The following ADARB2 variants were observed in gnomAD, a reference collection of about 807,000 sequenced individuals.
ADARB2 encodes adenosine deaminase RNA specific B2 (inactive), also known as inactive double-stranded RNA-specific editase B2.
Under a neutral mutation model 62.2 loss-of-function variants are expected in ADARB2, and 25 were observed. That is an observed-to-expected ratio of 0.40 (90% CI 0.29 to 0.56). ADARB2 has a LOEUF of 0.56. Among genes scored for constraint, ADARB2 ranks in the 20% least tolerant of loss-of-function variants. The probability of loss-of-function intolerance (pLI) is 0.43; values close to 1 mark genes in which losing one functional copy is unlikely to be tolerated. For missense variants in ADARB2, 1,071 were observed against 1,077.4 expected, an observed-to-expected ratio of 0.99 and a Z score of 0.08; for synonymous variants, 572 against 500.8, an observed-to-expected ratio of 1.14 and a Z score of -1.90.
chr10:1,293,972 G>C (rs143983248), intron 3 of ADARB2, among the ~76,000 whole-genome samples: 1 of 152,064 alleles, frequency 6.6e-6, no homozygotes, highest in Non-Finnish European at 1.5e-5. Flanking sequence ...TGGCTTGCAG[G>C]GGGGCGGGGG....
At chr10:1,504,032 A>G (rs1400914589) in intron 1 of ADARB2, among the ~76,000 whole-genome samples, 1 of 152,122 alleles carries the variant, frequency 6.6e-6, no homozygotes, top group Non-Finnish European at 1.5e-5. Flanking sequence ...AGAGAGTAGG[A>G]GTTTTTGATC....
At chr10:1,225,550 C>T (rs373226424) in intron 6 of ADARB2, among the ~76,000 whole-genome samples, 53 of 152,220 alleles carry the variant, frequency 3.5e-4, no homozygotes, top group South Asian at 1.5e-3. Context: ...TGGCTGGTAC[C>T]GGTTGTTCCT....
rs550908600 is a variant in ADARB2, at chr10:1,704,393, G to T, written c.100+32658C>A. ...GATGGGAGACAGTGACAGATCATCAGGCATTAGATTTTCATAAGGAGTCTG... is the reference window on the plus strand; with the variant it reads ...GATGGGAGACAGTGACAGATCATCATGCATTAGATTTTCATAAGGAGTCTG... On this transcript the variant is annotated intron_variant, in intron 1 of 9. Transcript: ENST00000381312. This position sits in a 1 kb window ranked among gnomAD's most constrained non-coding sequence, Gnocchi z 5.6. 1.3e-5 allele frequency among the ~76,000 whole-genome samples: 2 copies of T among 152,324 alleles called. No homozygotes were observed. The highest frequency in any genetic ancestry group is 3.9e-4 in the East Asian group (2 of 5,184).
chr10:1,419,413 G>A (rs926425700), intron 1 of ADARB2, among the ~76,000 whole-genome samples: 1 of 152,080 alleles, frequency 6.6e-6, no homozygotes, highest in Non-Finnish European at 1.5e-5. Context: ...TTTAATGTAT[G>A]GACAGTGGAA....
intron 1 of ADARB2, among the ~76,000 whole-genome samples, chr10:1,387,071 TAATG>T (rs1832531452): frequency 1.3e-5 from 2 of 151,946 alleles, no homozygotes; most frequent in Non-Finnish European, 2.9e-5. Flanking sequence ...TTCTCAGTGA[TAATG>T]AAAGTATAAC....
At chr10:1,331,268 TA>T (rs1312677948) in intron 3 of ADARB2, among the ~76,000 whole-genome samples, 2 of 152,126 alleles carry the variant, frequency 1.3e-5, no homozygotes, top group Non-Finnish European at 2.9e-5. Context: ...CCAAGAGAAA[TA>T]AAAACATATA....
At chr10:1,378,832 G>A (rs1450886105) in intron 2 of ADARB2, among the ~76,000 whole-genome samples, 3 of 152,162 alleles carry the variant, frequency 2.0e-5, no homozygotes, top group Non-Finnish European at 4.4e-5. Context: ...TAGGATTCTG[G>A]GTGAGGACAG....
chr10:1,221,877 A>ATG (rs1491187352), intron 6 of ADARB2, among the ~76,000 whole-genome samples: 1 of 152,140 alleles, frequency 6.6e-6, no homozygotes, highest in East Asian at 1.9e-4. Flanking sequence ...CACAATAAAC[A>ATG]TGTGTGCATA....
At chr10:1,411,361 CACCAGCCCAGGGCGGG>C (rs1349216207) in intron 1 of ADARB2, among the ~76,000 whole-genome samples, 1 of 152,238 alleles carries the variant, frequency 6.6e-6, no homozygotes, top group African/African-American at 2.4e-5. Flanking sequence ...CACCCGTCCC[CACCAGCCCAGGGCGGG>C]ACCAGCCCAC....
At chr10:1,405,507 G>C (rs1052138079) in intron 1 of ADARB2, among the ~76,000 whole-genome samples, 1 of 151,818 alleles carries the variant, frequency 6.6e-6, no homozygotes, top group African/African-American at 2.4e-5. Context: ...GTAGGGGCCT[G>C]TAATCCCAGC....
chr10:1,288,562 G>C (rs899524801), intron 3 of ADARB2, among the ~76,000 whole-genome samples: 1 of 152,232 alleles, frequency 6.6e-6, no homozygotes, highest in Non-Finnish European at 1.5e-5. Flanking sequence ...AGTTCCATGA[G>C]GCCCCACAAT....
At chr10:1,226,313 AT>A (rs1056320057) in intron 6 of ADARB2, among the ~76,000 whole-genome samples, 1 of 151,604 alleles carries the variant, frequency 6.6e-6, no homozygotes, top group Admixed American at 6.6e-5. Context: ...CATTCATCTA[AT>A]TTTTTTTCAA....
At position 1,737,045 on chromosome 10, in the gene ADARB2, C is replaced by T. The variant is rs202216464; in HGVS notation, c.100+6G>A. On this transcript the variant is annotated splice_donor_region_variant and intron_variant, in intron 1 of 9. Coordinates refer to ENST00000381312, the MANE Select transcript of ADARB2 (RefSeq NM_018702.4). ...GGCAGGGGCCGGCGCGCCACGCGGT[C>T]CTTACCTTTCCGCTTGGACCTCCGC... The T allele has an allele frequency of 1.5e-3, 2,460 of 1,610,226 alleles. 47 individuals are homozygous for T. In the South Asian group the frequency reaches 0.026, roughly 17 times the overall value.
chr10:1,553,635 G>A (rs890859471), intron 1 of ADARB2, among the ~76,000 whole-genome samples: 2 of 152,248 alleles, frequency 1.3e-5, no homozygotes, highest in East Asian at 3.9e-4. Context: ...CTTCTTCTCT[G>A]TTTGATTTCC....
intron 3 of ADARB2, among the ~76,000 whole-genome samples, chr10:1,278,574 T>C (rs1751174036): frequency 6.6e-6 from 1 of 152,014 alleles, no homozygotes; most frequent in Non-Finnish European, 1.5e-5. Flanking sequence ...GCTGCATCCA[T>C]GTAGCTGCAA....
At chr10:1,523,022 C>A (rs998672791) in intron 1 of ADARB2, among the ~76,000 whole-genome samples, 1 of 152,214 alleles carries the variant, frequency 6.6e-6, no homozygotes, top group Non-Finnish European at 1.5e-5. Context: ...TTACACCCAG[C>A]AGACAGATGT....
chr10:1,490,779 G>A (rs116526713), intron 1 of ADARB2, among the ~76,000 whole-genome samples: 2,330 of 152,190 alleles, frequency 0.015, 34 homozygotes, highest in Middle Eastern at 0.044. Flanking sequence ...TAAATAAGCC[G>A]TTAAATGGCT....
chr10:1,502,110 G>A (rs1033409132), intron 1 of ADARB2, among the ~76,000 whole-genome samples: 32 of 152,234 alleles, frequency 2.1e-4, no homozygotes, highest in African/African-American at 7.5e-4. Flanking sequence ...ATGCCACACA[G>A]TGTCCACCTG....
intron 1 of ADARB2, among the ~76,000 whole-genome samples, chr10:1,434,239 A>G (rs1383287564): frequency 6.6e-6 from 1 of 152,224 alleles, no homozygotes; most frequent in East Asian, 1.9e-4. Flanking sequence ...GGTGATGTAC[A>G]CAGAGGCCGG....
Sources: allele counts gnomAD v4.1 joint callset (sites outside exome capture counted in the v4.1 genomes callset), GRCh38; gene constraint gnomAD v4.1.1; non-coding constraint Gnocchi (gnomAD v3.1); transcripts MANE v1.5; gene names NCBI Gene and HGNC (gene_info 2026-07-23, HGNC 2026-07-21).